The following RBFOX1 variants were observed in gnomAD, a reference collection of about 807,000 sequenced individuals.
RBFOX1 encodes RNA binding fox-1 homolog 1, also known as RNA binding protein fox-1 homolog 1.
A neutral mutation model predicts 57.7 loss-of-function variants in RBFOX1; 8 were observed. The ratio of observed to expected loss-of-function variants is 0.14; its 90% CI spans 0.08 to 0.25. RBFOX1 has a LOEUF of 0.25. RBFOX1 is among the 10% of genes least tolerant of loss of function. The probability of loss-of-function intolerance (pLI) is 1.00; values close to 1 mark genes in which losing one functional copy is unlikely to be tolerated. For missense variants in RBFOX1, 611 were observed against 548.5 expected (o/e 1.11, Z -1.14); for synonymous variants, 326 against 222.4 (o/e 1.47, Z -4.15).
rs577129739 is a variant in RBFOX1, at chr16:6,979,394, C to T, written c.-15-72663C>T. 1.7e-4 allele frequency among the ~76,000 whole-genome samples: 26 copies of T among 152,088 alleles called. No homozygotes were observed. In the East Asian group the frequency reaches 2.5e-3, roughly 15 times the overall value. On this transcript the variant is annotated intron_variant, in intron 3 of 15. Coordinates refer to ENST00000550418, the MANE Select transcript of RBFOX1 (RefSeq NM_018723.4). Reference sequence around the variant, plus strand: ...TTGAACCTGAGCACTTTCCATTGTGCGATAGACCCACTAAATTAAAGTTGA... The same window carrying T: ...TTGAACCTGAGCACTTTCCATTGTGTGATAGACCCACTAAATTAAAGTTGA...
chr16:7,121,848 C>CA (rs1260583939), intron 4 of RBFOX1, among the ~76,000 whole-genome samples: 1 of 151,794 alleles, frequency 6.6e-6, no homozygotes, highest in Non-Finnish European at 1.5e-5. Flanking sequence ...ATCAACTGGA[C>CA]AAAATAGAGA....
chr16:5,240,197 C>A (rs1292852152), intron 1 of RBFOX1: 2 of 910,344 alleles, frequency 2.2e-6, no homozygotes, highest in Non-Finnish European at 1.7e-6. Flanking sequence ...CCGTGGCCGG[C>A]CCCGGGTTGA....
intron 3 of RBFOX1, among the ~76,000 whole-genome samples, chr16:6,908,997 T>C (rs1190786031): frequency 6.6e-6 from 1 of 152,198 alleles, no homozygotes; most frequent in Non-Finnish European, 1.5e-5. Flanking sequence ...CTTCTGAACA[T>C]GCTTAGACTT....
At chr16:6,502,756 T>A (rs1025774982) in intron 2 of RBFOX1, among the ~76,000 whole-genome samples, 1 of 152,160 alleles carries the variant, frequency 6.6e-6, no homozygotes, top group African/African-American at 2.4e-5. Context: ...GGTGCCCCGA[T>A]GGATCATGAT....
intron 1 of RBFOX1, among the ~76,000 whole-genome samples, chr16:5,462,176 T>G (rs536209714): frequency 6.7e-6 from 1 of 148,702 alleles, no homozygotes; most frequent in East Asian, 2.0e-4. Context: ...TTCTTTTTTT[T>G]TTTTTTTTTT....
upstream of RBFOX1, among the ~76,000 whole-genome samples, chr16:6,018,605 C>T (rs1364390090): frequency 6.6e-6 from 1 of 152,102 alleles, no homozygotes; most frequent in Non-Finnish European, 1.5e-5. Flanking sequence ...CCCTGCATCC[C>T]ATCCAGCCTG....
intron 5 of RBFOX1, among the ~76,000 whole-genome samples, chr16:7,579,315 A>G (rs2093573097): frequency 6.6e-6 from 1 of 152,186 alleles, no homozygotes; most frequent in East Asian, 1.9e-4. Context: ...TTATGTAGGC[A>G]TATCTTCAGA....
intron 3 of RBFOX1, among the ~76,000 whole-genome samples, chr16:6,797,891 T>G (rs749618511): frequency 1.3e-5 from 2 of 152,146 alleles, no homozygotes; most frequent in Non-Finnish European, 2.9e-5. Context: ...CTAGCTGACT[T>G]TTGGAAAGGT....
chr16:7,687,184 G>T (rs951131107), intron 14 of RBFOX1, among the ~76,000 whole-genome samples: 3 of 152,040 alleles, frequency 2.0e-5, no homozygotes, highest in African/African-American at 7.2e-5. Flanking sequence ...GTGTATTGAA[G>T]TACACGTGAC....
intron 4 of RBFOX1, among the ~76,000 whole-genome samples, chr16:5,933,914 A>G (rs1309234842): frequency 2.6e-5 from 4 of 152,030 alleles, no homozygotes; most frequent in Non-Finnish European, 4.4e-5. Flanking sequence ...CTAGTACCCA[A>G]TAATTATTTT....
rs188891150 is a variant in RBFOX1, at chr16:7,711,861, A to T, written c.*1116A>T. On this transcript the variant is annotated 3_prime_UTR_variant, in exon 16 of 16. Coordinates refer to ENST00000550418, the MANE Select transcript of RBFOX1 (RefSeq NM_018723.4). ...GAGTAGAGATAATCATGGTATTTTC[A>T]TCAGCTTGGTACTTTTTGAAACGTG... 1 of 152,614 alleles carries T rather than the reference A, an allele frequency of 6.6e-6. No homozygotes were observed. Among genetic ancestry groups the T allele is most frequent in the Admixed American group, 6.5e-5 (1 of 15,282 alleles). The allele number at this position is 152,614 out of a possible 1,614,324, so 9.5% of individuals were successfully genotyped here.
In RBFOX1 at chr16:7,584,197, TCA is replaced by T. The variant is rs1291356024; in HGVS notation, c.415-3047_415-3046del. 5.9e-5 allele frequency among the ~76,000 whole-genome samples: 9 copies of T among 152,306 alleles called. No homozygotes were observed. In the East Asian group the frequency reaches 1.7e-3, roughly 29 times the overall value. On this transcript the variant is annotated intron_variant, in intron 6 of 15. Transcript: ENST00000550418. ...TTATGCTGTATCCATTGAACATCCCTCACAGTTTTTCAGAGAAATATTGTTTG... is the reference window on the plus strand; with the variant it reads ...TTATGCTGTATCCATTGAACATCCCTCAGTTTTTCAGAGAAATATTGTTTG...
intron 3 of RBFOX1, among the ~76,000 whole-genome samples, chr16:6,656,875 C>A (rs956269186): frequency 2.1e-5 from 3 of 143,822 alleles, no homozygotes. Flanking sequence ...AACAAGGTAA[C>A]TCCTCTCCTC....
At chr16:6,937,874 C>G (rs1200699511) in intron 3 of RBFOX1, among the ~76,000 whole-genome samples, 3 of 149,112 alleles carry the variant, frequency 2.0e-5, no homozygotes, top group Non-Finnish European at 4.4e-5. Flanking sequence ...TTCCTGAATT[C>G]CAAAAGGGAG....
chr16:5,776,913 A>C (rs1378079515), intron 3 of RBFOX1, among the ~76,000 whole-genome samples: 1 of 152,224 alleles, frequency 6.6e-6, no homozygotes, highest in Non-Finnish European at 1.5e-5. Context: ...TCTACTGAGC[A>C]CGTGAAATAT....
chr16:5,856,545 G>GTA (rs2057065173), intron 3 of RBFOX1, among the ~76,000 whole-genome samples: 1 of 60,768 alleles, frequency 1.6e-5, no homozygotes, highest in African/African-American at 6.6e-5. Context: ...GTATGTGTGT[G>GTA]TGTGTGTGTG....
intron 3 of RBFOX1, among the ~76,000 whole-genome samples, chr16:6,737,938 G>C (rs1211585612): frequency 6.6e-6 from 1 of 152,002 alleles, no homozygotes. Flanking sequence ...AAGATAATGA[G>C]TAAACATTCC....
At chr16:5,279,152 A>G (rs2063211256) in intron 1 of RBFOX1, among the ~76,000 whole-genome samples, 1 of 151,910 alleles carries the variant, frequency 6.6e-6, no homozygotes, top group Non-Finnish European at 1.5e-5. Flanking sequence ...ATTATACTGA[A>G]TCTCTAGATT....
intron 2 of RBFOX1, among the ~76,000 whole-genome samples, chr16:6,379,859 C>A (rs929676601): frequency 1.3e-5 from 2 of 151,936 alleles, no homozygotes; most frequent in Non-Finnish European, 2.9e-5. Context: ...CATGAGAGAA[C>A]AAGAGAAGGT....
Sources: allele counts gnomAD v4.1 joint callset (sites outside exome capture counted in the v4.1 genomes callset), GRCh38; gene constraint gnomAD v4.1.1; transcripts MANE v1.5; gene names NCBI Gene and HGNC (gene_info 2026-07-23, HGNC 2026-07-21).